Variants in SLC25A17 observed in about 807,000 individuals in gnomAD.
SLC25A17 encodes the protein peroxisomal membrane protein PMP34.
In SLC25A17, 26 loss-of-function variants were observed where a neutral mutation model predicts 38.5. The observed-to-expected ratio is 0.68, with a 90% confidence interval of 0.50 to 0.94. The LOEUF (loss-of-function observed/expected upper bound fraction) is 0.94, where lower values mean the gene tolerates loss of function less well. SLC25A17 is among the 40% of genes least tolerant of loss of function. SLC25A17 has a pLI of 0.00. For missense variants in SLC25A17, 333 were observed against 372.7 expected, an observed-to-expected ratio of 0.89 and a Z score of 0.88; for synonymous variants, 139 against 136.2, an observed-to-expected ratio of 1.02 and a Z score of -0.14.
At chr22:40,776,967 A>G in intron 7 of SLC25A17, 73 bp downstream of exon 7, 1 of 1,253,310 alleles carries the variant, frequency 8.0e-7, no homozygotes, top group Non-Finnish European at 1.2e-6. Flanking sequence ...CTTTATTAAC[A>G]TTGTTTTAAA....
chr22:40,813,240 T>A (rs1170409604), intron 1 of SLC25A17, among the ~76,000 whole-genome samples: 1 of 151,998 alleles, frequency 6.6e-6, no homozygotes, highest in Non-Finnish European at 1.5e-5. Context: ...GAAGTTAGAA[T>A]CAAATTATGG....
Position 40,797,431 on chromosome 22 carries a change from T to C in SLC25A17, c.115+1592A>G, listed in dbSNP as rs9623238. 6.9e-3 allele frequency: 3,721 copies of C among 538,468 alleles called. 92 individuals are homozygous for C. The highest frequency in any genetic ancestry group is 0.063 in the African/African-American group (3,211 of 51,294). The allele number at this position is 538,468 out of a possible 1,614,324, so 33.4% of individuals were successfully genotyped here. A position where few individuals can be genotyped will look rare whatever the true frequency, so the allele number is the denominator to read the frequency against. ...CTACATGCCTACATTAGCAATGGCATTGAGTATGTGGCTCCAGTATGTTCC... is the reference window on the plus strand; with the variant it reads ...CTACATGCCTACATTAGCAATGGCACTGAGTATGTGGCTCCAGTATGTTCC... On this transcript the variant is annotated intron_variant, in intron 2 of 8. Transcript: ENST00000435456.
intron 2 of SLC25A17, among the ~76,000 whole-genome samples, chr22:40,795,295 TC>T (rs1485944705): frequency 6.6e-6 from 1 of 151,226 alleles, no homozygotes; most frequent in Non-Finnish European, 1.5e-5. Context: ...AAACATTTCT[TC>T]CTTTTTTTTT....
intron 2 of SLC25A17, chr22:40,797,405 A>G: frequency 1.4e-6 from 1 of 718,070 alleles, no homozygotes; most frequent in Non-Finnish European, 2.2e-6. Flanking sequence ...GCAGATTAGG[A>G]CTACATGCCT....
At chr22:40,775,436 GTTTTTTTTTTTTTTTTTTTT>G (rs71200615) in intron 7 of SLC25A17, among the ~76,000 whole-genome samples, 1,056 of 86,838 alleles carry the variant, frequency 0.012, 21 homozygotes, top group African/African-American at 0.038. Context: ...AGATCTGATG[GTTTTTTTTTTTTTTTTTTTT>G]TTTTTTTTTT....
At chr22:40,813,883 C>T (rs1179288680) in intron 1 of SLC25A17, 1 of 152,492 alleles carries the variant, frequency 6.6e-6, no homozygotes, top group African/African-American at 2.4e-5. Context: ...GTAATGTCTT[C>T]TCAAGTTCCT....
At chr22:40,771,147 G>A (rs1446853339) in intron 8 of SLC25A17, among the ~76,000 whole-genome samples, 166 bp from the exon 9 acceptor site, 2 of 152,124 alleles carry the variant, frequency 1.3e-5, no homozygotes, top group African/African-American at 4.8e-5. Flanking sequence ...TCGCTCTGTC[G>A]CCCAGGCTGG....
In SLC25A17 at chr22:40,773,384, C is replaced by T. The variant is rs148603203; in HGVS notation, c.776+553G>A. Among the ~76,000 whole-genome samples, 507 of 135,010 alleles carry T rather than the reference C, an allele frequency of 3.8e-3. 4 individuals are homozygous for T. The highest frequency in any genetic ancestry group is 0.014 in the African/African-American group (480 of 34,570). The allele number at this position is 135,010 out of a possible 152,430, so 88.6% of individuals were successfully genotyped here. A position where few individuals can be genotyped will look rare whatever the true frequency, so the allele number is the denominator to read the frequency against. Reference sequence around the variant, plus strand: ...GAGATAGCGCCACTGCACTCCAGCCCGGGCAACAGAGCGAGACTCTGTCTC... The same window carrying T: ...GAGATAGCGCCACTGCACTCCAGCCTGGGCAACAGAGCGAGACTCTGTCTC... On this transcript the variant is annotated intron_variant, in intron 8 of 8. Transcript: ENST00000435456.
At chr22:40,788,279 T>C (rs1315919189) in intron 4 of SLC25A17, among the ~76,000 whole-genome samples, 1 of 152,232 alleles carries the variant, frequency 6.6e-6, no homozygotes, top group Non-Finnish European at 1.5e-5. Context: ...TGCTATGACA[T>C]GATGGGCTTA....
intron 1 of SLC25A17, 48 bp downstream of exon 1, chr22:40,819,147 A>C: frequency 6.2e-7 from 1 of 1,604,630 alleles, no homozygotes; most frequent in Non-Finnish European, 8.5e-7. Flanking sequence ...CTGGCCCCCG[A>C]GAAGCCTTAT....
In SLC25A17 at chr22:40,773,958, T is replaced by TA. The variant is rs1487727873; in HGVS notation, c.754dup (p.Tyr252LeufsTer20). 6.2e-7 allele frequency: 1 copy of TA among 1,611,054 alleles called. No homozygotes were observed. Among genetic ancestry groups the TA allele is most frequent in the African/African-American group, 1.3e-5 (1 of 74,842 alleles). On this transcript the variant is annotated frameshift_variant, in exon 8 of 9. Transcript: ENST00000435456. LOFTEE classifies it high-confidence loss of function. ...TCACCTTACTCGTTGGTGAAGAAGATAGAGAATATTCCGAAGACTTCCCAA... is the reference window on the plus strand; with the variant it reads ...TCACCTTACTCGTTGGTGAAGAAGATAAGAGAATATTCCGAAGACTTCCCAA...
intron 4 of SLC25A17, among the ~76,000 whole-genome samples, chr22:40,790,340 C>CAAAAAAAAAAAAAAAAAAAAAAAAA (rs138301): frequency 1.6e-5 from 1 of 61,208 alleles, no homozygotes; most frequent in Non-Finnish European, 3.0e-5. Context: ...GACACAATCT[C>CAAAAAAAAAAAAAAAAAAAAAAAAA]AAAAAAAAAA....
At chr22:40,785,023 G>C (rs1337882984) in intron 4 of SLC25A17, among the ~76,000 whole-genome samples, 3 of 152,122 alleles carry the variant, frequency 2.0e-5, no homozygotes, top group Non-Finnish European at 4.4e-5. Context: ...CCATGTGACA[G>C]CTCCAGAGTC....
chr22:40,816,848 C>T (rs914862780), intron 1 of SLC25A17, among the ~76,000 whole-genome samples: 52 of 152,100 alleles, frequency 3.4e-4, no homozygotes, highest in African/African-American at 1.2e-3. Context: ...TGACCTCAGG[C>T]GATCCGCCTG....
chr22:40,803,855 T>C (rs928794051), intron 1 of SLC25A17, among the ~76,000 whole-genome samples: 1 of 151,226 alleles, frequency 6.6e-6, no homozygotes, highest in Non-Finnish European at 1.5e-5. Flanking sequence ...AGTTGGAAAG[T>C]GGCTCACCGT....
At chr22:40,811,429 C>T (rs760346922) in intron 1 of SLC25A17, among the ~76,000 whole-genome samples, 1 of 149,890 alleles carries the variant, frequency 6.7e-6, no homozygotes, top group Non-Finnish European at 1.5e-5. Flanking sequence ...CATTTTATTT[C>T]TAGATTTCTT....
intron 4 of SLC25A17, among the ~76,000 whole-genome samples, chr22:40,783,345 T>G (rs1339990011): frequency 6.6e-6 from 1 of 152,218 alleles, no homozygotes; most frequent in Non-Finnish European, 1.5e-5. Context: ...GATGCCACAT[T>G]TGACCCTGTG....
intron 3 of SLC25A17, among the ~76,000 whole-genome samples, chr22:40,794,237 G>A (rs956440025): frequency 2.2e-4 from 34 of 151,820 alleles, no homozygotes; most frequent in African/African-American, 8.2e-4. Context: ...TCAGTTTACT[G>A]TATATAAAAC....
chr22:40,794,627 A>AT (rs746386436), intron 2 of SLC25A17, 47 bp from the exon 3 acceptor site: 3,257 of 1,190,892 alleles, frequency 2.7e-3, no homozygotes, highest in Middle Eastern at 3.0e-3. Context: ...TAAAAAAAAA[A>AT]TTTTTTTTTT....
Sources: allele counts gnomAD v4.1 joint callset (sites outside exome capture counted in the v4.1 genomes callset), GRCh38; gene constraint gnomAD v4.1.1; transcripts MANE v1.5; gene names NCBI Gene and HGNC (gene_info 2026-07-23, HGNC 2026-07-21).